Variants in KAT14 observed in about 807,000 individuals in gnomAD.
The protein encoded by KAT14 is lysine acetyltransferase 14.
A neutral mutation model predicts 78.4 loss-of-function variants in KAT14; 66 were observed. The ratio of observed to expected loss-of-function variants is 0.84; its 90% CI spans 0.69 to 1.03. The LOEUF (loss-of-function observed/expected upper bound fraction) is 1.03, where lower values mean the gene tolerates loss of function less well. KAT14 is among the 50% of genes least tolerant of loss of function. The pLI is 0.00. For missense variants in KAT14, 870 were observed against 972.5 expected (o/e 0.89, Z 1.40); for synonymous variants, 344 against 359.4 (o/e 0.96, Z 0.48).
rs769215156 is a variant in KAT14, at chr20:18,184,605, T to C, written c.1985T>C (p.Ile662Thr). ...SMCQEFFWPG[I>T]DLSECLQYPD... ...TCCGATGGTTTCTTTTCTTTAGGCA[T>C]TGACCTGTCTGAGTGTCTGCAGTAC... Residue 662 changes from isoleucine to threonine, a missense_variant, in exon 10 of 11, where the codon ATT becomes ACT. Physicochemically the swap from Ile to Thr is moderately conservative, Grantham distance 89. Transcript: ENST00000688188. 1.2e-6 allele frequency: 2 copies of C among 1,606,228 alleles called. No homozygotes were observed.
intron 7 of KAT14, among the ~76,000 whole-genome samples, chr20:18,165,351 T>G (rs2038600929): frequency 6.6e-6 from 1 of 152,166 alleles, no homozygotes; most frequent in African/African-American, 2.4e-5. Flanking sequence ...GTGTCCCCCT[T>G]AAGCATATGT....
At chr20:18,146,237 T>G (rs1274984866) in intron 3 of KAT14, among the ~76,000 whole-genome samples, 1 of 152,228 alleles carries the variant, frequency 6.6e-6, no homozygotes, top group African/African-American at 2.4e-5. Context: ...TGTATACTTT[T>G]TAGTTCAAAA....
At chr20:18,138,285 C>A (rs2037377787) in intron 1 of KAT14, 5 of 1,212,314 alleles carry the variant, frequency 4.1e-6, no homozygotes, top group Non-Finnish European at 5.1e-6. Context: ...ACCCGGCTGC[C>A]CGGCTTAGCG....
At chr20:18,176,384 G>A (rs6136315) in intron 7 of KAT14, among the ~76,000 whole-genome samples, 1 of 151,814 alleles carries the variant, frequency 6.6e-6, no homozygotes, top group African/African-American at 2.4e-5. Flanking sequence ...CCTGTCCTTA[G>A]GCAGGGGGCA....
intron 10 of KAT14, among the ~76,000 whole-genome samples, chr20:18,185,266 GT>G (rs1000882755): frequency 2.0e-5 from 3 of 152,124 alleles, no homozygotes; most frequent in Admixed American, 2.0e-4. Flanking sequence ...CCAGACTGGA[GT>G]TGCACAATCA....
In KAT14 at chr20:18,142,756, G is replaced by A. The variant is rs2037635315; in HGVS notation, c.96G>A (p.Val32=). ...CAGAAGGACTGGAGGAAGGTGAAGT[G>A]GAGGGAGAGACGCTCCTGATCGTCG... ...STSEGLEEGE[V]EGETLLIVES... is the part of the protein sequence containing the mutation. The change falls in exon 2 of 11, where the codon GTG becomes GTA. Residue 32 remains valine, a synonymous_variant. Coordinates refer to ENST00000688188, the MANE Select transcript of KAT14 (RefSeq NM_001392073.1). 1 of 1,614,232 alleles carries A rather than the reference G, an allele frequency of 6.2e-7. No homozygotes were observed. The highest frequency in any genetic ancestry group is 2.2e-5 in the East Asian group (1 of 44,884).
Position 18,184,591 on chromosome 20 carries a change from CT to C in KAT14, c.1982-7del, listed in dbSNP as rs1268265643. On this transcript the variant is annotated splice_polypyrimidine_tract_variant and intron_variant, in intron 9 of 10. Coordinates refer to ENST00000688188, the MANE Select transcript of KAT14 (RefSeq NM_001392073.1). Reference sequence around the variant, plus strand: ...ATGTGGTTTGAGTCTCCGATGGTTTCTTTTCTTTAGGCATTGACCTGTCTGA... The same window carrying C: ...ATGTGGTTTGAGTCTCCGATGGTTTCTTTCTTTAGGCATTGACCTGTCTGA... 2.5e-6 allele frequency: 4 copies of C among 1,574,330 alleles called. No homozygotes were observed. The African/African-American group carries it at 4.2e-5, about 16-fold the overall frequency.
chr20:18,183,243 G>A lies in KAT14; in HGVS notation c.1926G>A (p.Val642=). 6.2e-7 allele frequency: 1 copy of A among 1,614,126 alleles called. No homozygotes were observed. Among genetic ancestry groups the A allele is most frequent in the Non-Finnish European group, 8.5e-7 (1 of 1,180,026 alleles). ...ACGCACCTCTCGATTACTGTTATGT[G>A]CGGCCAAATCACATCCCAACGATCA... ...EPDAPLDYCY[V]RPNHIPTINS... is the part of the protein sequence containing the mutation. Residue 642 remains valine (V), a synonymous_variant, in exon 9 of 11, where the codon GTG becomes GTA. Transcript: ENST00000688188.
At chr20:18,174,348 T>G (rs55872108) in intron 7 of KAT14, among the ~76,000 whole-genome samples, 32,550 of 121,886 alleles carry the variant, frequency 0.27, 2,672 homozygotes, top group Middle Eastern at 0.4. Flanking sequence ...GGAATTGCTT[T>G]GTCAAATGTA....
intron 5 of KAT14, 135 bp downstream of exon 5, chr20:18,159,400 A>G (rs2038339683): frequency 2.2e-6 from 2 of 927,056 alleles, no homozygotes; most frequent in East Asian, 6.0e-5. Flanking sequence ...CACTTCTGTG[A>G]TGACACTTGT....
chr20:18,145,268 G>A lies in KAT14; in HGVS notation c.295G>A (p.Asp99Asn). The change falls in exon 3 of 11, where the codon GAT becomes AAT. Residue 99 changes from aspartate to asparagine, a missense_variant. Coordinates refer to ENST00000688188, the MANE Select transcript of KAT14 (RefSeq NM_001392073.1). ...GGAACAGCTCAGTTACCTTAAGGGTGATAATTTTTTTAGGTTTACTTGTTC... is the reference window on the plus strand; with the variant it reads ...GGAACAGCTCAGTTACCTTAAGGGTAATAATTTTTTTAGGTTTACTTGTTC... ...LREQLSYLKG[D>N]NFFRFTCSDC... is the part of the protein sequence containing the mutation. The A allele has an allele frequency of 6.2e-7, 1 of 1,614,194 alleles. No individual in the cohort carries two copies.
At chr20:18,137,726 C>G (rs1014769195), upstream of KAT14, 3 of 426,616 alleles carry the variant, frequency 7.0e-6, no homozygotes, top group African/African-American at 2.1e-5. Context: ...CTGTCGCCTG[C>G]GGGGTGTGCA....
intron 10 of KAT14, 62 bp from the exon 11 acceptor site, chr20:18,187,224 A>C: frequency 6.6e-7 from 1 of 1,526,174 alleles, no homozygotes; most frequent in Non-Finnish European, 8.7e-7. Flanking sequence ...GCGTTTCTTT[A>C]CCTACTCATT....
At position 18,142,721 on chromosome 20, in the gene KAT14, A is replaced by G; in HGVS notation, c.61A>G (p.Thr21Ala). 1 of 1,614,182 alleles carries G rather than the reference A, an allele frequency of 6.2e-7. No homozygotes were observed. Among genetic ancestry groups the G allele is most frequent in the Non-Finnish European group, 8.5e-7 (1 of 1,180,036 alleles). The change falls in exon 2 of 11, where the codon ACA becomes GCA. Residue 21 changes from threonine (T) to alanine (A), a missense_variant. Thr to Ala is a moderately conservative substitution (Grantham distance 58, BLOSUM62 0). Coordinates refer to ENST00000688188, the MANE Select transcript of KAT14 (RefSeq NM_001392073.1). The stretch of plus-strand genomic sequence containing the variant: ...TCGGCATGATGACGAAGCCACGAGA[A>G]CATCGACCTCAGAAGGACTGGAGGA... ...ISRHDDEATR[T>A]STSEGLEEGE...
chr20:18,150,759 C>G (rs2038003228), intron 3 of KAT14, 62 bp from the exon 4 acceptor site: 1 of 1,603,328 alleles, frequency 6.2e-7, no homozygotes, highest in Non-Finnish European at 8.5e-7. Flanking sequence ...AGCTTTTCCC[C>G]CCTCAAGATT....
At chr20:18,153,246 C>A (rs2038111648) in intron 4 of KAT14, among the ~76,000 whole-genome samples, 1 of 152,070 alleles carries the variant, frequency 6.6e-6, no homozygotes, top group Admixed American at 6.6e-5. Flanking sequence ...GGAGGGTGAC[C>A]TGCAGGCTGC....
chr20:18,181,364 CTTTTTTTTTT>C (rs762890490), intron 7 of KAT14, among the ~76,000 whole-genome samples: 1 of 106,800 alleles, frequency 9.4e-6, no homozygotes, highest in Non-Finnish European at 1.9e-5. Context: ...AATTTTGTTT[CTTTTTTTTTT>C]TTTTTTTTTT....
At chr20:18,182,754 G>C (rs973051065) in intron 8 of KAT14, among the ~76,000 whole-genome samples, 6 of 152,154 alleles carry the variant, frequency 3.9e-5, no homozygotes, top group Non-Finnish European at 8.8e-5. Context: ...AGCTCATTGT[G>C]TCTCTGGTGT....
intron 2 of KAT14, chr20:18,143,210 G>A: frequency 9.0e-7 from 1 of 1,114,086 alleles, no homozygotes; most frequent in Non-Finnish European, 1.1e-6. Context: ...TTTCTAACAA[G>A]GTCACAGAGA....
Sources: gnomAD v4.1 joint callset for allele counts (sites outside exome capture counted in the v4.1 genomes callset) on GRCh38, gnomAD v4.1.1 for gene constraint, MANE v1.5 for transcripts, NCBI Gene and HGNC (gene_info 2026-07-23, HGNC 2026-07-21) for gene names.